The following PLBD2 variants were observed in gnomAD, a reference collection of about 807,000 sequenced individuals.
PLBD2 encodes the protein phospholipase B domain containing 2.
Under a neutral mutation model 68.3 loss-of-function variants are expected in PLBD2, and 51 were observed. That is an observed-to-expected ratio of 0.75 (90% CI 0.60 to 0.94). The LOEUF is 0.94. PLBD2 is among the 40% of genes least tolerant of loss of function. The pLI is 0.00. For missense variants in PLBD2, 729 were observed against 792.2 expected, an observed-to-expected ratio of 0.92 and a Z score of 0.96; for synonymous variants, 314 against 339.3, an observed-to-expected ratio of 0.93 and a Z score of 0.82.
chr12:113,360,889 C>G (rs1957286501), intron 1 of PLBD2, among the ~76,000 whole-genome samples: 1 of 152,204 alleles, frequency 6.6e-6, no homozygotes, highest in South Asian at 2.1e-4. Context: ...CTCCTGACTT[C>G]AGGTGATCTG....
At chr12:113,361,336 T>TTTTTTG (rs1957292905) in intron 1 of PLBD2, among the ~76,000 whole-genome samples, 1 of 148,510 alleles carries the variant, frequency 6.7e-6, no homozygotes, top group Non-Finnish European at 1.5e-5. Flanking sequence ...GGTTTTTTTT[T>TTTTTTG]TTTTGTTTTT....
chr12:113,390,580 A>G lies in PLBD2; in HGVS notation c.*1954A>G, dbSNP rs957805214. 1.3e-5 allele frequency: 2 copies of G among 150,414 alleles called. No individual in the cohort carries two copies. The highest frequency in any genetic ancestry group is 3.0e-5 in the Non-Finnish European group (2 of 67,752). 9.3% of individuals were successfully genotyped at this position (150,414 alleles called of 1,614,324 possible). A position where few individuals can be genotyped will look rare whatever the true frequency, so the allele number is the denominator to read the frequency against. ...CCACCTTCCTATCCATTTATCATCCATCTACCCACTCACCCATCCATCCAA... is the reference window on the plus strand; with the variant it reads ...CCACCTTCCTATCCATTTATCATCCGTCTACCCACTCACCCATCCATCCAA... On this transcript the variant is annotated 3_prime_UTR_variant, in exon 12 of 12. Coordinates refer to ENST00000280800, the MANE Select transcript of PLBD2 (RefSeq NM_173542.4).
chr12:113,369,243 C>T (rs775853064), intron 2 of PLBD2, 34 bp downstream of exon 2: 2 of 1,517,440 alleles, frequency 1.3e-6, no homozygotes, highest in East Asian at 4.8e-5. Flanking sequence ...GGGCTCCCAC[C>T]CTGCCCCAGC....
rs774549597 is a variant in PLBD2 at position 113,384,093 on chromosome 12, A to G, written c.958-12A>G. 6.3e-7 allele frequency: 1 copy of G among 1,595,098 alleles called. No individual in the cohort carries two copies. Among genetic ancestry groups the G allele is most frequent in the Non-Finnish European group, 8.6e-7 (1 of 1,167,876 alleles). On this transcript the variant is annotated splice_polypyrimidine_tract_variant and intron_variant, in intron 6 of 11. Coordinates refer to ENST00000280800, the MANE Select transcript of PLBD2 (RefSeq NM_173542.4). The surrounding 1 kb of genome is among the most constrained non-coding windows in gnomAD (Gnocchi z 4.2). ...CCTAGGCTGTGCAGCAGCCCCCTTG[A>G]CCTTCCCACAGGTGACACTGGAGAC...
intron 6 of PLBD2, among the ~76,000 whole-genome samples, chr12:113,381,253 C>CA (rs1348189622): frequency 2.0e-5 from 3 of 151,892 alleles, no homozygotes; most frequent in East Asian, 1.9e-4. Context: ...CCGCCCCCCC[C>CA]ACATCCCCAC....
At chr12:113,361,778 T>TG (rs1957299097) in intron 1 of PLBD2, among the ~76,000 whole-genome samples, 2 of 152,166 alleles carry the variant, frequency 1.3e-5, no homozygotes, top group Admixed American at 1.3e-4. Context: ...GCTCTGGCCT[T>TG]GGTCCTGGGG....
At chr12:113,385,019 C>T (rs1957536736) in intron 8 of PLBD2, 73 bp downstream of exon 8, 1 of 1,451,592 alleles carries the variant, frequency 6.9e-7, no homozygotes, top group African/African-American at 1.4e-5. Flanking sequence ...CAGAGCCGTG[C>T]TGGCGCTGTG....
At position 113,372,579 on chromosome 12, in the gene PLBD2, G is replaced by T. The variant is rs111547330; in HGVS notation, c.385-70G>T. 1.8e-3 allele frequency: 2,792 copies of T among 1,534,948 alleles called. 51 individuals are homozygous for T. The African/African-American group carries it at 0.033, about 18-fold the overall frequency. On this transcript the variant is annotated intron_variant, in intron 2 of 11. Coordinates refer to ENST00000280800, the MANE Select transcript of PLBD2 (RefSeq NM_173542.4). The surrounding 1 kb of genome is among the most constrained non-coding windows in gnomAD (Gnocchi z 4.2). ...GCAGCCTCCGCTCTGGGGCAGCCTG[G>T]GTGGGGGGCTCTCAGGGAAGAGAGC...
Position 113,369,310 on chromosome 12 carries a change from T to G in PLBD2, c.384+101T>G, listed in dbSNP as rs189364492. Reference sequence around the variant, plus strand: ...GATGTGTGCAGAGTAGGCCCCCAACTCCTGCCACAGCCCTTCATCTATCTG... The same window carrying G: ...GATGTGTGCAGAGTAGGCCCCCAACGCCTGCCACAGCCCTTCATCTATCTG... On this transcript the variant is annotated intron_variant, in intron 2 of 11. Transcript: ENST00000280800. 3.2e-3 allele frequency: 2,551 copies of G among 789,364 alleles called. 11 individuals carry two copies. Among genetic ancestry groups the G allele is most frequent in the South Asian group, 4.9e-3 (172 of 35,436 alleles). 48.9% of individuals were successfully genotyped at this position (789,364 alleles called of 1,614,324 possible). A position where few individuals can be genotyped will look rare whatever the true frequency, so the allele number is the denominator to read the frequency against.
At chr12:113,380,418 A>C (rs1035625138) in intron 5 of PLBD2, among the ~76,000 whole-genome samples, 1 of 152,208 alleles carries the variant, frequency 6.6e-6, no homozygotes, top group African/African-American at 2.4e-5. Context: ...TACAGGTGTG[A>C]GCCACTGCAC....
rs1308118063 is a variant in PLBD2 at position 113,364,894 on chromosome 12, A to G, written c.291-4222A>G. On this transcript the variant is annotated intron_variant, in intron 1 of 11. Coordinates refer to ENST00000280800, the MANE Select transcript of PLBD2 (RefSeq NM_173542.4). ...CAGATGAGAAAACCGAGGCCCCGAGAGGTAAAGCAGTTTGCCCAAAGGTAC... is the reference window on the plus strand; with the variant it reads ...CAGATGAGAAAACCGAGGCCCCGAGGGGTAAAGCAGTTTGCCCAAAGGTAC... 2.6e-5 allele frequency among the ~76,000 whole-genome samples: 4 copies of G among 152,300 alleles called. No homozygotes were observed. The East Asian group carries it at 7.7e-4, about 29-fold the overall frequency.
intron 3 of PLBD2, among the ~76,000 whole-genome samples, chr12:113,373,754 T>C (rs1342826511): frequency 7.6e-6 from 1 of 131,850 alleles, no homozygotes; most frequent in East Asian, 2.6e-4. Context: ...TACATATCTA[T>C]CCATTCGCTC....
Position 113,388,564 on chromosome 12 carries a change from C to G in PLBD2, c.1708C>G (p.Leu570Val). The G allele has an allele frequency of 6.2e-7, 1 of 1,611,108 alleles. No homozygotes were observed. ...GTGGAGCACCTCGCCCTTCAGCGGCCTGCTGCACATGGGCCAGCCAGACCT... is the reference window on the plus strand; with the variant it reads ...GTGGAGCACCTCGCCCTTCAGCGGCGTGCTGCACATGGGCCAGCCAGACCT... ...FQWSTSPFSG[L>V]LHMGQPDLWK... Residue 570 changes from leucine (L) to valine (V), a missense_variant, in exon 12 of 12, where the codon CTG (leucine) becomes GTG (valine). Coordinates refer to ENST00000280800, the MANE Select transcript of PLBD2 (RefSeq NM_173542.4).
intron 1 of PLBD2, among the ~76,000 whole-genome samples, chr12:113,366,166 T>G (rs1957340387): frequency 6.6e-6 from 1 of 152,178 alleles, no homozygotes; most frequent in Non-Finnish European, 1.5e-5. Flanking sequence ...ATTCCTGTCC[T>G]GGAAGTGTTC....
chr12:113,360,514 A>C (rs1005870649), intron 1 of PLBD2, among the ~76,000 whole-genome samples: 6 of 152,202 alleles, frequency 3.9e-5, no homozygotes, highest in African/African-American at 1.4e-4. Context: ...CTGGATGGAA[A>C]GTTCTTCCAG....
chr12:113,368,269 G>A (rs1388072172), intron 1 of PLBD2, among the ~76,000 whole-genome samples: 1 of 152,174 alleles, frequency 6.6e-6, no homozygotes, highest in Non-Finnish European at 1.5e-5. Flanking sequence ...ACATGTATCC[G>A]CTAGTATTGG....
At position 113,384,362 on chromosome 12, in the gene PLBD2, G is replaced by A. The variant is rs540462912; in HGVS notation, c.1118+97G>A. 855 of 1,414,130 alleles carry A rather than the reference G, an allele frequency of 6.0e-4. 4 individuals carry two copies. The African/African-American group carries it at 0.011, about 19-fold the overall frequency. 87.6% of individuals were successfully genotyped at this position (1,414,130 alleles called of 1,614,324 possible). ...CTCCTGGGGACCAGATGTGGCATCC[G>A]GGCCACACACCCCACGCCCTCCTTT... On this transcript the variant is annotated intron_variant, in intron 7 of 11. Coordinates refer to ENST00000280800, the MANE Select transcript of PLBD2 (RefSeq NM_173542.4). This position sits in a 1 kb window ranked among gnomAD's most constrained non-coding sequence, Gnocchi z 4.2.
At chr12:113,366,714 C>T (rs906908194) in intron 1 of PLBD2, among the ~76,000 whole-genome samples, 19 of 152,024 alleles carry the variant, frequency 1.2e-4, no homozygotes, top group African/African-American at 4.6e-4. Context: ...TCAAGTGATG[C>T]TCCTGCCTTA....
At chr12:113,362,597 A>T (rs1438164985) in intron 1 of PLBD2, among the ~76,000 whole-genome samples, 1 of 146,870 alleles carries the variant, frequency 6.8e-6, no homozygotes, top group Non-Finnish European at 1.5e-5. Flanking sequence ...TTTTCCAGGA[A>T]AAAAAAAAAA....
Sources: gnomAD v4.1 joint callset for allele counts (sites outside exome capture counted in the v4.1 genomes callset) on GRCh38, gnomAD v4.1.1 for gene constraint, Gnocchi (gnomAD v3.1) non-coding constraint, MANE v1.5 for transcripts, NCBI Gene and HGNC (gene_info 2026-07-23, HGNC 2026-07-21) for gene names.